SSPN: variants seen among roughly 807,000 people sequenced by gnomAD.
SSPN encodes the protein sarcospan.
In SSPN, 15 loss-of-function variants were observed where a neutral mutation model predicts 19.1. The observed-to-expected ratio is 0.78, with a 90% CI of 0.52 to 1.21. SSPN has a LOEUF of 1.21. Among genes scored for constraint, SSPN ranks in the 50% most tolerant of loss-of-function variants. The pLI, the probability that SSPN is intolerant of heterozygous loss-of-function variation, is 0.00. For missense variants in SSPN, 291 were observed against 314.0 expected (o/e 0.93, Z 0.55); for synonymous variants, 147 against 140.3 (o/e 1.05, Z -0.34).
At chr12:26,166,530 A>G (rs992079543) in intron 1 of SSPN, among the ~76,000 whole-genome samples, 1 of 152,274 alleles carries the variant, frequency 6.6e-6, no homozygotes, top group Non-Finnish European at 1.5e-5. Flanking sequence ...CAAACTGCAG[A>G]CATCTGCCCT....
intron 1 of SSPN, among the ~76,000 whole-genome samples, chr12:26,171,681 T>C (rs1225820760): frequency 2.6e-5 from 4 of 152,318 alleles, no homozygotes; most frequent in Admixed American, 1.3e-4. Flanking sequence ...TATGTGGGTT[T>C]ATAATTTTGT....
intron 1 of SSPN, among the ~76,000 whole-genome samples, chr12:26,213,793 A>G (rs914752900): frequency 2.0e-5 from 3 of 152,098 alleles, no homozygotes; most frequent in South Asian, 2.1e-4. Flanking sequence ...AAAAGAAGCT[A>G]TGATGATAAT....
chr12:26,149,824 A>T (rs1256797651), intron 1 of SSPN, among the ~76,000 whole-genome samples: 1 of 152,266 alleles, frequency 6.6e-6, no homozygotes, highest in Non-Finnish European at 1.5e-5. Flanking sequence ...ACACATGTGC[A>T]TACACACATC....
At chr12:26,215,172 T>G (rs750227197) in intron 1 of SSPN, among the ~76,000 whole-genome samples, 3 of 152,198 alleles carry the variant, frequency 2.0e-5, no homozygotes, top group Non-Finnish European at 2.9e-5. Context: ...TGAGCTAAAT[T>G]CTGTTGGAGA....
intron 1 of SSPN, among the ~76,000 whole-genome samples, chr12:26,146,818 T>TAGAAAAAAAAAAA (rs1944493711): frequency 9.5e-6 from 1 of 105,178 alleles, no homozygotes; most frequent in Non-Finnish European, 2.0e-5. Context: ...CAAGGCTGTC[T>TAGAAAAAAAAAAA]AAAAAAAAAA....
At chr12:26,213,374 A>G (rs765071) in intron 1 of SSPN, among the ~76,000 whole-genome samples, 38,396 of 152,050 alleles carry the variant, frequency 0.25, 5,106 homozygotes, top group Admixed American at 0.37. Flanking sequence ...TGAAAGCAAA[A>G]TATCATCCTA....
At chr12:26,225,288 A>G (rs1253345394) in intron 2 of SSPN, among the ~76,000 whole-genome samples, 1 of 152,148 alleles carries the variant, frequency 6.6e-6, no homozygotes, top group African/African-American at 2.4e-5. Flanking sequence ...GGAAGATTCC[A>G]GTATAATTGA....
At chr12:26,150,125 T>G (rs970978949) in intron 1 of SSPN, among the ~76,000 whole-genome samples, 1 of 152,140 alleles carries the variant, frequency 6.6e-6, no homozygotes, top group Admixed American at 6.5e-5. Flanking sequence ...TTGTTGATTG[T>G]GTCAGGAAGT....
chr12:26,191,345 G>T (rs960525023), upstream of SSPN, among the ~76,000 whole-genome samples: 1 of 152,148 alleles, frequency 6.6e-6, no homozygotes, highest in African/African-American at 2.4e-5. Flanking sequence ...GTTAAGCCAG[G>T]TATGGTGGCA....
At chr12:26,224,229 C>A in intron 1 of SSPN, 64 bp from the exon 2 acceptor site, 1 of 1,120,464 alleles carries the variant, frequency 8.9e-7, no homozygotes, top group Non-Finnish European at 1.4e-6. Flanking sequence ...GATACTGAGA[C>A]TGATGTCATT....
intron 1 of SSPN, among the ~76,000 whole-genome samples, chr12:26,143,841 C>T (rs1285632186): frequency 1.3e-5 from 2 of 152,180 alleles, no homozygotes; most frequent in South Asian, 4.1e-4. Flanking sequence ...GCCGCCTGAG[C>T]TCCATCTCCT....
At position 26,132,308 on chromosome 12, in the gene SSPN, G is replaced by A. The variant is rs571822528; in HGVS notation, c.-31+10156G>A. Among the ~76,000 whole-genome samples the A allele has an allele frequency of 1.9e-4, 29 of 152,188 alleles. 1 individual carries two copies. The South Asian group carries it at 5.8e-3, about 31-fold the overall frequency. On this transcript the variant is annotated intron_variant, in intron 1 of 2. Coordinates refer to the SSPN transcript ENST00000538142. The stretch of plus-strand genomic sequence containing the variant: ...CTTATATGAACTGTGCACTGTGATG[G>A]GTTTTAGGGATTCAGTAGTGAACGT...
At chr12:26,136,718 G>A (rs909207235) in intron 1 of SSPN, among the ~76,000 whole-genome samples, 2 of 152,190 alleles carry the variant, frequency 1.3e-5, no homozygotes, top group Non-Finnish European at 2.9e-5. Flanking sequence ...CAATAAAACA[G>A]AAGGCCAGAC....
At chr12:26,178,174 A>G (rs993887517) in intron 1 of SSPN, among the ~76,000 whole-genome samples, 1 of 152,208 alleles carries the variant, frequency 6.6e-6, no homozygotes, top group Non-Finnish European at 1.5e-5. Flanking sequence ...GAAGCAACAG[A>G]GTGTAGCACT....
At chr12:26,148,739 A>G (rs2137413380) in intron 1 of SSPN, among the ~76,000 whole-genome samples, 1 of 152,130 alleles carries the variant, frequency 6.6e-6, no homozygotes, top group East Asian at 1.9e-4. Flanking sequence ...AAATTCTCTC[A>G]GTTGTGCTTC....
At chr12:26,196,239 G>A (rs905049938) in intron 1 of SSPN, among the ~76,000 whole-genome samples, 2 of 152,304 alleles carry the variant, frequency 1.3e-5, no homozygotes, top group Middle Eastern at 3.4e-3. Flanking sequence ...GCTTATTTTG[G>A]TCAGACTGAA....
At chr12:26,209,795 CGTGTGTGTGTGTGTGTGTGTGTGT>C (rs56680376) in intron 1 of SSPN, among the ~76,000 whole-genome samples, 2 of 144,986 alleles carry the variant, frequency 1.4e-5, no homozygotes, top group African/African-American at 2.6e-5. Context: ...ATTCTTAGAG[CGTGTGTGTGTGTGTGTGTGTGTGT>C]GTGTGTGTGT....
intron 1 of SSPN, among the ~76,000 whole-genome samples, chr12:26,137,205 A>G (rs1944430606): frequency 6.6e-6 from 1 of 152,256 alleles, no homozygotes. Flanking sequence ...TAATTTGTCC[A>G]TGTCACACAA....
At chr12:26,165,161 C>A (rs1281125148) in intron 1 of SSPN, among the ~76,000 whole-genome samples, 3 of 151,976 alleles carry the variant, frequency 2.0e-5, no homozygotes, top group African/African-American at 4.8e-5. Context: ...GGAAGTATAC[C>A]TTTTTCATAT....
Sources: gnomAD v4.1 joint callset for allele counts (sites outside exome capture counted in the v4.1 genomes callset) on GRCh38, gnomAD v4.1.1 for gene constraint, MANE v1.5 for transcripts, NCBI Gene and HGNC (gene_info 2026-07-23, HGNC 2026-07-21) for gene names.